ANKRD18A: variants seen among roughly 807,000 people sequenced by gnomAD.
ANKRD18A encodes the protein ankyrin repeat domain 18A.
Under a neutral mutation model 110.6 loss-of-function variants are expected in ANKRD18A, and 72 were observed. The ratio of observed to expected loss-of-function variants is 0.65; its 90% CI spans 0.54 to 0.79. The LOEUF is 0.79. Ranked by LOEUF, ANKRD18A falls within the 30% of genes least tolerant of loss-of-function variation. The pLI is 0.00. For synonymous variants in ANKRD18A, 305 were observed against 410.3 expected (o/e 0.74, Z 3.10); for missense variants, 934 against 1,163.3 (o/e 0.80, Z 2.87).
intron 15 of ANKRD18A, chr9:38,573,163 T>G: frequency 9.2e-7 from 1 of 1,081,468 alleles, no homozygotes; most frequent in Non-Finnish European, 1.2e-6. Context: ...TAATAATGTT[T>G]AAGTTAAACA....
chr9:38,610,098 C>T (rs1825544378), intron 5 of ANKRD18A, among the ~76,000 whole-genome samples, 175 bp downstream of exon 5: 1 of 152,210 alleles, frequency 6.6e-6, no homozygotes, highest in African/African-American at 2.4e-5. Flanking sequence ...CTCATTGCTA[C>T]TTCTAACTAG....
chr9:38,573,242 C>T (rs1168292967), intron 15 of ANKRD18A: 10 of 502,500 alleles, frequency 2.0e-5, no homozygotes, highest in Non-Finnish European at 3.1e-5. Flanking sequence ...CTAGACATAA[C>T]ACAAAGTTTG....
intron 12 of ANKRD18A, among the ~76,000 whole-genome samples, chr9:38,584,483 T>C (rs533719268): frequency 7.2e-5 from 11 of 152,278 alleles, no homozygotes; most frequent in African/African-American, 2.6e-4. Flanking sequence ...GTAATGATGA[T>C]TACATAACTC....
At chr9:38,600,475 A>C (rs1825072089) in intron 8 of ANKRD18A, among the ~76,000 whole-genome samples, 1 of 152,234 alleles carries the variant, frequency 6.6e-6, no homozygotes, top group Non-Finnish European at 1.5e-5. Flanking sequence ...ACCCAGATCT[A>C]ATATATTCTA....
At chr9:38,602,030 A>G (rs1315414594) in intron 7 of ANKRD18A, among the ~76,000 whole-genome samples, 1 of 148,064 alleles carries the variant, frequency 6.8e-6, no homozygotes, top group Admixed American at 6.8e-5. Flanking sequence ...TCAAAATTCT[A>G]TGTGAAGTCC....
At position 38,615,915 on chromosome 9, in the gene ANKRD18A, T is replaced by C; in HGVS notation, c.321+15A>G. 6.5e-7 allele frequency: 1 copy of C among 1,541,410 alleles called. No individual in the cohort carries two copies. Among genetic ancestry groups the C allele is most frequent in the East Asian group, 2.4e-5 (1 of 41,990 alleles). ...TCAAATCCATTTCATGCTGAAAGAG[T>C]TGGCTACTATATACCTTCATTAAAG... On this transcript the variant is annotated intron_variant, in intron 2 of 15. Coordinates refer to ENST00000399703, the MANE Select transcript of ANKRD18A (RefSeq NM_147195.4).
intron 8 of ANKRD18A, among the ~76,000 whole-genome samples, chr9:38,599,402 G>A (rs1825026648): frequency 6.6e-6 from 1 of 152,032 alleles, no homozygotes; most frequent in African/African-American, 2.4e-5. Flanking sequence ...TCTTCCTCAG[G>A]ACAAACAGTA....
In ANKRD18A at chr9:38,590,170, CTTCTTTCTCTCT is replaced by C. The variant is rs559583429; in HGVS notation, c.2005-1519_2005-1508del. Among the ~76,000 whole-genome samples the C allele has an allele frequency of 9.8e-3, 1,459 of 149,484 alleles. 17 individuals carry two copies. The highest frequency in any genetic ancestry group is 0.024 in the Middle Eastern group (7 of 290). ...CTTTTTCTTTCTTTCTTTCTTTTTC[CTTCTTTCTCTCT>C]TTCTTTCTCTCTCTCTCCTCTCTCT... On this transcript the variant is annotated intron_variant, in intron 10 of 15. Transcript: ENST00000399703.
chr9:38,567,806 G>C (rs4472608), downstream of ANKRD18A: 5,498 of 152,312 alleles, frequency 0.036, 154 homozygotes, highest in Non-Finnish European at 0.054. Context: ...TGAAGAGCTG[G>C]CCACCTTCTG....
intron 6 of ANKRD18A, 129 bp from the exon 7 acceptor site, chr9:38,603,341 A>C (rs1297525760): frequency 1.2e-5 from 15 of 1,271,238 alleles, no homozygotes; most frequent in Non-Finnish European, 1.6e-5. Context: ...AGAAGCTTGC[A>C]CTCATCACCA....
At chr9:38,580,258 GGT>G (rs1824099032) in intron 12 of ANKRD18A, among the ~76,000 whole-genome samples, 1 of 152,108 alleles carries the variant, frequency 6.6e-6, no homozygotes, top group Admixed American at 6.5e-5. Flanking sequence ...AAATCAGACA[GGT>G]GCAATGGTGC....
At chr9:38,614,222 T>G (rs1825760639) in intron 3 of ANKRD18A, among the ~76,000 whole-genome samples, 2 of 124,888 alleles carry the variant, frequency 1.6e-5, no homozygotes, top group African/African-American at 3.8e-5. Context: ...CACTGAGGTT[T>G]TTTTTTTTTT....
At chr9:38,581,801 C>G (rs1824177565) in intron 12 of ANKRD18A, among the ~76,000 whole-genome samples, 1 of 152,058 alleles carries the variant, frequency 6.6e-6, no homozygotes, top group Non-Finnish European at 1.5e-5. Flanking sequence ...TACTATTTGT[C>G]TCTGATAAAT....
chr9:38,617,002 A>T (rs1825885712), intron 1 of ANKRD18A, among the ~76,000 whole-genome samples: 1 of 152,234 alleles, frequency 6.6e-6, no homozygotes, highest in Admixed American at 6.5e-5. Flanking sequence ...CATTAAGTAG[A>T]ATACTGTATA....
rs374486526 is a variant in ANKRD18A, at chr9:38,581,474, T to A, written c.2248-3326A>T. Among the ~76,000 whole-genome samples the A allele has an allele frequency of 4.0e-3, 609 of 152,316 alleles. 4 individuals carry two copies. Among genetic ancestry groups the A allele is most frequent in the Middle Eastern group, 0.01 (3 of 294 alleles). On this transcript the variant is annotated intron_variant, in intron 12 of 15. Coordinates refer to ENST00000399703, the MANE Select transcript of ANKRD18A (RefSeq NM_147195.4). ...GGTTACATAACCAAAATCAGACATT[T>A]ACCTGATTTCAATTAATGAAAATTC...
At chr9:38,614,714 G>A (rs1011549106) in intron 3 of ANKRD18A, among the ~76,000 whole-genome samples, 1 of 151,998 alleles carries the variant, frequency 6.6e-6, no homozygotes, top group African/African-American at 2.4e-5. Context: ...AATTTTCCTG[G>A]GTGTGGGTAT....
At chr9:38,610,182 A>G in intron 5 of ANKRD18A, 91 bp downstream of exon 5, 1 of 1,411,414 alleles carries the variant, frequency 7.1e-7, no homozygotes, top group South Asian at 1.7e-5. Flanking sequence ...CAACCAAACT[A>G]TGAACTGTCA....
At position 38,575,431 on chromosome 9, in the gene ANKRD18A, T is replaced by C. The variant is rs536995901; in HGVS notation, c.2964+45A>G. ...TTCATCAAATTATAGACAAGAATTATATTAGAGAAATGAAACCCAAAAGAG... is the reference window on the plus strand; with the variant it reads ...TTCATCAAATTATAGACAAGAATTACATTAGAGAAATGAAACCCAAAAGAG... On this transcript the variant is annotated intron_variant, in intron 15 of 15. Coordinates refer to ENST00000399703, the MANE Select transcript of ANKRD18A (RefSeq NM_147195.4). 365 of 1,486,378 alleles carry C rather than the reference T, an allele frequency of 2.5e-4. 2 individuals are homozygous for C. In the South Asian group the frequency reaches 4.5e-3, roughly 18 times the overall value. 92.1% of individuals were successfully genotyped at this position (1,486,378 alleles called of 1,614,324 possible).
At chr9:38,579,170 AC>A (rs1381301458) in intron 12 of ANKRD18A, among the ~76,000 whole-genome samples, 1 of 152,204 alleles carries the variant, frequency 6.6e-6, no homozygotes, top group African/African-American at 2.4e-5. Context: ...TCTATATAGC[AC>A]CATATAGCAA....
Sources: allele counts gnomAD v4.1 joint callset (sites outside exome capture counted in the v4.1 genomes callset), GRCh38; gene constraint gnomAD v4.1.1; transcripts MANE v1.5; gene names NCBI Gene and HGNC (gene_info 2026-07-23, HGNC 2026-07-21).